WASHC2C: variants seen among roughly 807,000 people sequenced by gnomAD.
The protein encoded by WASHC2C is WASH complex subunit 2C.
Under a neutral mutation model 142.2 loss-of-function variants are expected in WASHC2C, and 73 were observed. The ratio of observed to expected loss-of-function variants is 0.51; its 90% confidence interval spans 0.43 to 0.62. The LOEUF (loss-of-function observed/expected upper bound fraction) is 0.62, where lower values mean the gene tolerates loss of function less well. WASHC2C is among the 20% of genes least tolerant of loss of function. WASHC2C has a pLI of 0.00. For synonymous variants in WASHC2C, 337 were observed against 565.5 expected (o/e 0.60, Z 5.73); for missense variants, 969 against 1,531.7 (o/e 0.63, Z 6.13).
chr10:45,770,023 G>A (rs1485145223), intron 20 of WASHC2C, among the ~76,000 whole-genome samples: 1 of 151,098 alleles, frequency 6.6e-6, no homozygotes, highest in Admixed American at 6.6e-5. Flanking sequence ...GGCAGATCAC[G>A]ATGTCAGGAG....
At chr10:45,779,652 G>A (rs1477618220) in intron 23 of WASHC2C, among the ~76,000 whole-genome samples, 2 of 152,016 alleles carry the variant, frequency 1.3e-5, no homozygotes, top group Admixed American at 6.6e-5. Flanking sequence ...CATGAAGATG[G>A]ATGGGCATGA....
At chr10:45,742,446 A>G (rs1554868584) in intron 5 of WASHC2C, among the ~76,000 whole-genome samples, 1 of 151,598 alleles carries the variant, frequency 6.6e-6, no homozygotes. Flanking sequence ...TCCTGAGTAA[A>G]TGGGATTATA....
intron 3 of WASHC2C, among the ~76,000 whole-genome samples, chr10:45,730,680 T>C (rs1293836131): frequency 6.6e-6 from 1 of 150,648 alleles, no homozygotes; most frequent in Non-Finnish European, 1.5e-5. Flanking sequence ...AGTGCAGTGG[T>C]GCGATCTCCG....
chr10:45,763,950 C>T (rs1248411330), intron 18 of WASHC2C, among the ~76,000 whole-genome samples: 4 of 152,178 alleles, frequency 2.6e-5, no homozygotes, highest in African/African-American at 9.7e-5. Context: ...GATCCGCCTG[C>T]CTCGGCCTCC....
chr10:45,786,473 G>C (rs1167486172), intron 26 of WASHC2C, 139 bp from the exon 27 acceptor site: 1 of 923,460 alleles, frequency 1.1e-6, no homozygotes, highest in South Asian at 1.4e-5. Flanking sequence ...CAGGCCCCAG[G>C]AGAGATTTGA....
intron 16 of WASHC2C, among the ~76,000 whole-genome samples, chr10:45,757,814 A>G (rs1416988535): frequency 4.6e-3 from 704 of 151,734 alleles, no homozygotes; most frequent in African/African-American, 0.015. Flanking sequence ...TGATGCTGCC[A>G]CTGATCTGAC....
chr10:45,758,295 G>C, intron 16 of WASHC2C, among the ~76,000 whole-genome samples: 1 of 152,128 alleles, frequency 6.6e-6, no homozygotes, highest in Non-Finnish European at 1.5e-5. Flanking sequence ...CTGCTTCATT[G>C]GAAAGGTACC....
intron 5 of WASHC2C, among the ~76,000 whole-genome samples, chr10:45,741,834 T>C (rs1554868161): frequency 6.6e-6 from 1 of 151,056 alleles, no homozygotes; most frequent in Admixed American, 6.6e-5. Context: ...GTTTCACTCT[T>C]GTTGCCCAAG....
intron 8 of WASHC2C, among the ~76,000 whole-genome samples, chr10:45,747,202 G>A (rs71496648): frequency 3.9e-5 from 6 of 152,206 alleles, no homozygotes; most frequent in South Asian, 4.1e-4. Flanking sequence ...GTGCCGTGGC[G>A]TGATCTCAGC....
At chr10:45,753,517 G>T (rs2926325) in intron 13 of WASHC2C, among the ~76,000 whole-genome samples, 1 of 135,824 alleles carries the variant, frequency 7.4e-6, no homozygotes, top group Non-Finnish European at 1.6e-5. Flanking sequence ...GTTGAGGATG[G>T]TTTTCATTGA....
At position 45,751,404 on chromosome 10, in the gene WASHC2C, T is replaced by G. The variant is rs551723569; in HGVS notation, c.932-78T>G. On this transcript the variant is annotated intron_variant, in intron 10 of 30. Coordinates refer to ENST00000623400, the MANE Select transcript of WASHC2C (RefSeq NM_001330074.2). ...TGCTCTTAGCTGTGAGTTATGAGGA[T>G]GACAGACGTGGAAAGAACCAGGATG... 4.1e-6 allele frequency: 3 copies of G among 727,710 alleles called. No homozygotes were observed. In the African/African-American group the frequency reaches 6.0e-5, roughly 15 times the overall value. 45.1% of individuals were successfully genotyped at this position (727,710 alleles called of 1,614,324 possible).
Position 45,742,386 on chromosome 10 carries a change from C to T in WASHC2C, c.529-1004C>T, listed in dbSNP as rs1463616045. 1.2e-4 allele frequency among the ~76,000 whole-genome samples: 18 copies of T among 152,246 alleles called. No homozygotes were observed. In the East Asian group the frequency reaches 2.9e-3, roughly 24 times the overall value. On this transcript the variant is annotated intron_variant, in intron 5 of 30. Transcript: ENST00000623400. ...CTGGAGTGGAGTGATGTGATGTTGG[C>T]TCACTGCAACCTCCACCTCCTGGGT...
At chr10:45,789,587 G>T in intron 29 of WASHC2C, 96 bp downstream of exon 29, 1 of 1,543,836 alleles carries the variant, frequency 6.5e-7, no homozygotes, top group South Asian at 1.2e-5. Flanking sequence ...CTTGTTGCGT[G>T]CATACCCCAT....
At chr10:45,751,221 A>G (rs1554874283) in intron 10 of WASHC2C, among the ~76,000 whole-genome samples, 1 of 151,538 alleles carries the variant, frequency 6.6e-6, no homozygotes, top group Non-Finnish European at 1.5e-5. Flanking sequence ...TAGAAAGATA[A>G]CACAATAATT....
At chr10:45,762,706 C>T (rs1554880458) in intron 17 of WASHC2C, among the ~76,000 whole-genome samples, 1 of 152,042 alleles carries the variant, frequency 6.6e-6, no homozygotes, top group East Asian at 1.9e-4. Flanking sequence ...GAGATCGAGA[C>T]CATCCTGGCT....
chr10:45,787,270 C>T, intron 28 of WASHC2C, 23 bp downstream of exon 28: 1 of 1,114,032 alleles, frequency 9.0e-7, no homozygotes, highest in Non-Finnish European at 1.3e-6. Context: ...TCTTTGCTTC[C>T]TTGCTCTCTT....
rs2058332884 is a variant in WASHC2C, at chr10:45,790,489, C to T, written c.3842C>T (p.Ser1281Phe). Residue 1281 changes from serine to phenylalanine, a missense_variant, in exon 30 of 31, where the codon TCC (serine) becomes TTC (phenylalanine). Physicochemically the swap from Ser to Phe is radical, Grantham distance 155. Transcript: ENST00000623400. ...ADLTVKPKEKSKKKVEAKSIF... is the reference protein window; with the variant it reads ...ADLTVKPKEKFKKKVEAKSIF... ...TTAACTGTAAAACCAAAAGAAAAGT[C>T]CAAAAAGAAAGTGGAAGCCAAGTCT... The T allele has an allele frequency of 2.1e-5, 34 of 1,610,850 alleles. No individual in the cohort carries two copies. The South Asian group carries it at 3.5e-4, about 17-fold the overall frequency.
chr10:45,754,945 A>G lies in WASHC2C; in HGVS notation c.1250A>G (p.Asp417Gly), dbSNP rs781867805. ...GTCCCTTCACTCACAGGAGACACGG[A>G]TGTGTTTGGTGCTGCCTCCGTTCCA... ...GAVSVFLGDTDVFGAASVPSL... is the reference protein window; with the variant it reads ...GAVSVFLGDTGVFGAASVPSL... Residue 417 changes from aspartate to glycine, a missense_variant, in exon 15 of 31, where the codon GAT becomes GGT. Transcript: ENST00000623400. The G allele has an allele frequency of 1.2e-6, 2 of 1,611,918 alleles. No individual in the cohort carries two copies. The highest frequency in any genetic ancestry group is 1.7e-6 in the Non-Finnish European group (2 of 1,179,848).
intron 19 of WASHC2C, among the ~76,000 whole-genome samples, chr10:45,767,153 C>G (rs1250162096): frequency 6.8e-6 from 1 of 147,138 alleles, no homozygotes; most frequent in African/African-American, 2.5e-5. Flanking sequence ...CCTGTAATCC[C>G]AACTACTCAG....
Sources: gnomAD v4.1 joint callset for allele counts (sites outside exome capture counted in the v4.1 genomes callset) on GRCh38, gnomAD v4.1.1 for gene constraint, MANE v1.5 for transcripts, NCBI Gene and HGNC (gene_info 2026-07-23, HGNC 2026-07-21) for gene names.